The following LPP variants were observed in gnomAD, a reference collection of about 807,000 sequenced individuals.
LPP encodes the protein lipoma-preferred partner.
LPP carries 38 observed loss-of-function variants against 60.4 expected under a neutral mutation model. That is an observed-to-expected ratio of 0.63 (90% confidence interval 0.49 to 0.83). The LOEUF is 0.83. Ranked by LOEUF, LPP falls within the 40% of genes least tolerant of loss-of-function variation. The probability of loss-of-function intolerance (pLI) is 0.00; values close to 1 mark genes in which losing one functional copy is unlikely to be tolerated. For missense variants in LPP, 902 were observed against 783.6 expected, an observed-to-expected ratio of 1.15 and a Z score of -1.80; for synonymous variants, 328 against 290.8, an observed-to-expected ratio of 1.13 and a Z score of -1.30.
In LPP at chr3:188,890,139, CG is replaced by C. The variant is rs1217400433; in HGVS notation, c.*15663del. 1.8e-5 allele frequency: 4 copies of C among 217,040 alleles called. No homozygotes were observed. Among genetic ancestry groups the C allele is most frequent in the Non-Finnish European group, 3.7e-5 (4 of 107,982 alleles). The allele number at this position is 217,040 out of a possible 1,614,324, so 13.4% of individuals were successfully genotyped here. A position where few individuals can be genotyped will look rare whatever the true frequency, so the allele number is the denominator to read the frequency against. On this transcript the variant is annotated 3_prime_UTR_variant, in exon 12 of 12. Coordinates refer to ENST00000617246, the MANE Select transcript of LPP (RefSeq NM_001375462.1). ...AGATAAGGCGGAGATGGTGAGAAGC[CG>C]GGTTTTCTCTATGCTAAATGTGTCT... is the stretch of plus-strand genomic sequence containing the variant.
At position 188,510,438 on chromosome 3, in the gene LPP, C is replaced by G. The variant is rs79107287; in HGVS notation, c.307-14227C>G. ...CTTTTTATCAATGGCAACCTTTTTC[C>G]TAAAAATAGGAATTTCTGCTGGGAG... On this transcript the variant is annotated intron_variant, in intron 5 of 11. Transcript: ENST00000617246. 5.0e-3 allele frequency among the ~76,000 whole-genome samples: 760 copies of G among 152,250 alleles called. 3 individuals carry two copies. The highest frequency in any genetic ancestry group is 0.027 in the East Asian group (139 of 5,178).
At position 188,477,326 on chromosome 3, in the gene LPP, A is replaced by T. The variant is rs146247428; in HGVS notation, c.194-7266A>T. Reference sequence around the variant, plus strand: ...CTGGGTATTGCTTTCTAAAACTGAGACTTTAACAGTAGTAGCTGGATCAGT... The same window carrying T: ...CTGGGTATTGCTTTCTAAAACTGAGTCTTTAACAGTAGTAGCTGGATCAGT... On this transcript the variant is annotated intron_variant, in intron 4 of 11. Transcript: ENST00000617246. Among the ~76,000 whole-genome samples, 12 of 152,340 alleles carry T rather than the reference A, an allele frequency of 7.9e-5. No homozygotes were observed. In the East Asian group the frequency reaches 2.3e-3, roughly 29 times the overall value.
intron 2 of LPP, among the ~76,000 whole-genome samples, chr3:188,234,437 C>T: frequency 6.6e-6 from 1 of 152,162 alleles, no homozygotes; most frequent in Non-Finnish European, 1.5e-5. Flanking sequence ...GGAATATCGC[C>T]ATGGGAGTGG....
At chr3:188,747,055 G>A (rs1440508552) in intron 8 of LPP, among the ~76,000 whole-genome samples, 2 of 152,262 alleles carry the variant, frequency 1.3e-5, no homozygotes, top group Admixed American at 1.3e-4. Context: ...TTGATTCGGT[G>A]TATTTATTTT....
chr3:188,198,025 C>T (rs769310690), intron 1 of LPP, among the ~76,000 whole-genome samples: 117 of 152,174 alleles, frequency 7.7e-4, no homozygotes, highest in Admixed American at 3.2e-3. Context: ...AAACCTCATT[C>T]GTATACCTGT....
In LPP at chr3:188,883,479, T is replaced by TC. The variant is rs71169027; in HGVS notation, c.*9002dup. 117,464 of 188,332 alleles carry TC rather than the reference T, an allele frequency of 0.62. 37,024 individuals are homozygous for TC. Among genetic ancestry groups the TC allele is most frequent in the Non-Finnish European group, 0.67 (60,226 of 89,428 alleles). The allele number at this position is 188,332 out of a possible 1,614,324, so 11.7% of individuals were successfully genotyped here. On this transcript the variant is annotated 3_prime_UTR_variant, in exon 12 of 12. Coordinates refer to ENST00000617246, the MANE Select transcript of LPP (RefSeq NM_001375462.1). ...CGGGCGCGGTGGCTCGTGCCTGTAATCCAGCACTTTGGGAGGCCGAGGCGA... is the reference window on the plus strand; with the variant it reads ...CGGGCGCGGTGGCTCGTGCCTGTAATCCCAGCACTTTGGGAGGCCGAGGCGA...
intron 9 of LPP, among the ~76,000 whole-genome samples, chr3:188,765,861 C>CTTTTTTTTTTTTTTTTTTTT (rs71169019): frequency 1.1e-5 from 1 of 92,618 alleles, no homozygotes; most frequent in African/African-American, 4.3e-5. Context: ...ATGTTCAACT[C>CTTTTTTTTTTTTTTTTTTTT]TTTTTTTTTT....
At chr3:188,794,969 C>G (rs1744904868) in intron 9 of LPP, among the ~76,000 whole-genome samples, 1 of 152,118 alleles carries the variant, frequency 6.6e-6, no homozygotes, top group Admixed American at 6.5e-5. Context: ...AACCCCGTCT[C>G]TACTAAAATA....
chr3:188,680,766 G>A (rs73056801), intron 7 of LPP, among the ~76,000 whole-genome samples: 3,592 of 152,240 alleles, frequency 0.024, 148 homozygotes, highest in African/African-American at 0.083. Context: ...AAGGATCATT[G>A]TGCTGTTGTT....
At chr3:188,345,566 A>G (rs1412195537) in intron 3 of LPP, among the ~76,000 whole-genome samples, 1 of 152,190 alleles carries the variant, frequency 6.6e-6, no homozygotes, top group Non-Finnish European at 1.5e-5. Flanking sequence ...AGCCAACACA[A>G]TGAAGTCTAG....
Position 188,572,563 on chromosome 3 carries a change from A to G in LPP, c.430-36598A>G, listed in dbSNP as rs1833769444. Among the ~76,000 whole-genome samples, 1 of 152,144 alleles carries G rather than the reference A, an allele frequency of 6.6e-6. No individual in the cohort carries two copies. The highest frequency in any genetic ancestry group is 1.5e-5 in the Non-Finnish European group (1 of 68,024). On this transcript the variant is annotated intron_variant, in intron 6 of 11. Coordinates refer to ENST00000617246, the MANE Select transcript of LPP (RefSeq NM_001375462.1). This position sits in a 1 kb window ranked among gnomAD's most constrained non-coding sequence, Gnocchi z 4.1. ...AGAGAACCTGATTTGTAACTGTATC[A>G]TTATGACTTACTGAATTTCATTCAG...
chr3:188,311,185 A>G (rs1284986450), intron 2 of LPP, among the ~76,000 whole-genome samples: 1 of 147,422 alleles, frequency 6.8e-6, no homozygotes, highest in African/African-American at 2.4e-5. Context: ...ATTATTTTAT[A>G]TGCTCTCTCT....
At chr3:188,605,204 C>T (rs974189882) in intron 6 of LPP, among the ~76,000 whole-genome samples, 3 of 151,970 alleles carry the variant, frequency 2.0e-5, no homozygotes, top group African/African-American at 4.8e-5. Flanking sequence ...ATTGGGAGAC[C>T]AGTTTGGATG....
intron 7 of LPP, among the ~76,000 whole-genome samples, chr3:188,687,774 T>TA (rs1278038273): frequency 1.6e-5 from 2 of 124,802 alleles, no homozygotes; most frequent in Non-Finnish European, 3.6e-5. Context: ...TGTCTTATAC[T>TA]CTTTTTTTTT....
At chr3:188,332,986 A>G (rs1760564881) in intron 2 of LPP, among the ~76,000 whole-genome samples, 1 of 148,080 alleles carries the variant, frequency 6.8e-6, no homozygotes, top group Non-Finnish European at 1.5e-5. Flanking sequence ...GAATCAACAG[A>G]ATAACATAAA....
Position 188,462,557 on chromosome 3 carries a change from T to A in LPP, c.194-22035T>A, listed in dbSNP as rs1158399169. ...TTTATATGAGCTTTATATATATATA[T>A]ATATATATATATATATATATATATA... On this transcript the variant is annotated intron_variant, in intron 4 of 11. Transcript: ENST00000617246. Among the ~76,000 whole-genome samples the A allele has an allele frequency of 6.8e-4, 26 of 38,268 alleles. 2 individuals are homozygous for A. Among genetic ancestry groups the A allele is most frequent in the African/African-American group, 1.7e-3 (18 of 10,426 alleles). The allele number at this position is 38,268 out of a possible 152,430, so 25.1% of individuals were successfully genotyped here.
At chr3:188,203,589 A>T (rs181749551) in intron 1 of LPP, among the ~76,000 whole-genome samples, 3,504 of 97,586 alleles carry the variant, frequency 0.036, 102 homozygotes, top group South Asian at 0.089. Context: ...ATATATATAT[A>T]TTTAAATATA....
At chr3:188,854,123 G>A (rs1425314643) in intron 9 of LPP, among the ~76,000 whole-genome samples, 3 of 152,168 alleles carry the variant, frequency 2.0e-5, no homozygotes, top group Non-Finnish European at 4.4e-5. Context: ...GAAAGAGTTA[G>A]TCCACCACCC....
intron 2 of LPP, among the ~76,000 whole-genome samples, chr3:188,275,118 C>A (rs1378272058): frequency 6.6e-6 from 1 of 152,178 alleles, no homozygotes; most frequent in African/African-American, 2.4e-5. Flanking sequence ...GAAACTGGCA[C>A]CTTTTCCCAA....
Sources: gnomAD v4.1 joint callset for allele counts (sites outside exome capture counted in the v4.1 genomes callset) on GRCh38, gnomAD v4.1.1 for gene constraint, Gnocchi (gnomAD v3.1) non-coding constraint, MANE v1.5 for transcripts, NCBI Gene and HGNC (gene_info 2026-07-23, HGNC 2026-07-21) for gene names.